The following C5orf24 variants were observed in gnomAD, a reference collection of about 807,000 sequenced individuals.
C5orf24 encodes UPF0461 protein C5orf24.
Under a neutral mutation model 9.8 loss-of-function variants are expected in C5orf24, and 4 were observed. That is an observed-to-expected ratio of 0.41 (90% CI 0.20 to 0.93). The LOEUF is 0.93. C5orf24 is among the 40% of genes least tolerant of loss of function. C5orf24 has a pLI of 0.33. For synonymous variants in C5orf24, 73 were observed against 81.3 expected (o/e 0.90, Z 0.55); for missense variants, 170 against 236.9 (o/e 0.72, Z 1.85).
In C5orf24 at chr5:134,855,590, G is replaced by A; in HGVS notation, c.*123G>A. 5 of 1,500,440 alleles carry A rather than the reference G, an allele frequency of 3.3e-6. No homozygotes were observed. The highest frequency in any genetic ancestry group is 4.4e-6 in the Non-Finnish European group (5 of 1,130,398). The allele number at this position is 1,500,440 out of a possible 1,614,324, so 92.9% of individuals were successfully genotyped here. ...CTTTCCAAATTTGTTTTCCTGTTTG[G>A]TTTTTTTCCTGCTTTTGCTCAAAAA... On this transcript the variant is annotated 3_prime_UTR_variant, in exon 2 of 2. Transcript: ENST00000394976.
At chr5:134,836,554 C>G in the C5orf24 span, among the ~76,000 whole-genome samples, 3 of 151,294 alleles carry the variant, frequency 2.0e-5, no homozygotes, top group African/African-American at 7.3e-5. Context: ...TTTGTTTTTG[C>G]TTTTTTTGAG....
the C5orf24 span, among the ~76,000 whole-genome samples, chr5:134,839,064 C>G: frequency 6.6e-6 from 1 of 151,834 alleles, no homozygotes; most frequent in Non-Finnish European, 1.5e-5. Flanking sequence ...CAAAAATTGG[C>G]CCGGCACACA....
Sources: allele counts gnomAD v4.1 joint callset (sites outside exome capture counted in the v4.1 genomes callset), GRCh38; gene constraint gnomAD v4.1.1; transcripts MANE v1.5; gene names NCBI Gene and HGNC (gene_info 2026-07-23, HGNC 2026-07-21).